Variants in KCNIP4 observed in about 807,000 individuals in gnomAD.
KCNIP4 encodes the protein Kv channel-interacting protein 4.
A neutral mutation model predicts 34.0 loss-of-function variants in KCNIP4; 12 were observed. The observed-to-expected ratio is 0.35, with a 90% confidence interval of 0.23 to 0.57. The LOEUF is 0.57. Ranked by LOEUF, KCNIP4 falls within the 20% of genes least tolerant of loss-of-function variation. The probability of loss-of-function intolerance (pLI) is 0.83; values close to 1 mark genes in which losing one functional copy is unlikely to be tolerated. For synonymous variants in KCNIP4, 124 were observed against 102.2 expected (o/e 1.21, Z -1.29); for missense variants, 238 against 311.7 (o/e 0.76, Z 1.78).
intron 1 of KCNIP4, among the ~76,000 whole-genome samples, chr4:21,202,088 C>T (rs1249888332): frequency 3.3e-5 from 5 of 152,178 alleles, no homozygotes; most frequent in African/African-American, 1.2e-4. Context: ...AGTTGAATTA[C>T]CATTTGACCC....
chr4:21,869,941 C>T (rs1027018445), intron 1 of KCNIP4, among the ~76,000 whole-genome samples: 4 of 152,156 alleles, frequency 2.6e-5, no homozygotes, highest in Admixed American at 6.5e-5. Flanking sequence ...AAATTTAACA[C>T]ATGAAATACC....
At chr4:21,080,244 C>T (rs1283003110) in intron 1 of KCNIP4, among the ~76,000 whole-genome samples, 2 of 151,808 alleles carry the variant, frequency 1.3e-5, no homozygotes, top group Non-Finnish European at 2.9e-5. Context: ...ACTATTTCCT[C>T]ACCTATAATA....
intron 1 of KCNIP4, among the ~76,000 whole-genome samples, chr4:21,115,171 C>T (rs1749580278): frequency 6.6e-6 from 1 of 152,158 alleles, no homozygotes; most frequent in Non-Finnish European, 1.5e-5. Context: ...CATAATCCCA[C>T]TGTTACCCCA....
At chr4:21,773,429 G>C (rs1476493375) in intron 1 of KCNIP4, among the ~76,000 whole-genome samples, 1 of 152,144 alleles carries the variant, frequency 6.6e-6, no homozygotes, top group Non-Finnish European at 1.5e-5. Context: ...CTGTATACTA[G>C]GTCCACTTGA....
chr4:21,922,737 G>C (rs1158641424), intron 1 of KCNIP4, among the ~76,000 whole-genome samples: 2 of 152,080 alleles, frequency 1.3e-5, no homozygotes, highest in Non-Finnish European at 2.9e-5. Flanking sequence ...GAAGTGGAGT[G>C]AAACAAAAAT....
At chr4:21,036,544 G>A (rs1362076613) in intron 1 of KCNIP4, among the ~76,000 whole-genome samples, 1 of 152,172 alleles carries the variant, frequency 6.6e-6, no homozygotes, top group Non-Finnish European at 1.5e-5. Flanking sequence ...TTTTGGCACT[G>A]GAAGCAAATG....
intron 1 of KCNIP4, among the ~76,000 whole-genome samples, chr4:21,247,687 T>TTATATCTATATATAGATATATA (rs1760336306): frequency 8.0e-6 from 1 of 124,452 alleles, no homozygotes; most frequent in African/African-American, 3.2e-5. Context: ...ATAGATATAT[T>TTATATCTATATATAGATATATA]TATATCTATA....
At chr4:21,467,562 G>A (rs1730096852) in intron 1 of KCNIP4, among the ~76,000 whole-genome samples, 1 of 152,098 alleles carries the variant, frequency 6.6e-6, no homozygotes, top group Admixed American at 6.6e-5. Context: ...ATAAAAGGAA[G>A]GAAGCAACAA....
intron 1 of KCNIP4, among the ~76,000 whole-genome samples, chr4:21,728,255 G>C (rs571518653): frequency 7.2e-5 from 11 of 152,246 alleles, no homozygotes; most frequent in African/African-American, 2.4e-4. Flanking sequence ...CCTCAACTCT[G>C]TTCCATAAAG....
chr4:21,217,075 C>T (rs1289064446), intron 1 of KCNIP4, among the ~76,000 whole-genome samples: 4 of 152,104 alleles, frequency 2.6e-5, no homozygotes, highest in South Asian at 2.1e-4. Flanking sequence ...CTTTTCATTA[C>T]GAGCTACGAA....
At chr4:20,757,933 C>T (rs1283945011) in intron 4 of KCNIP4, among the ~76,000 whole-genome samples, 1 of 152,132 alleles carries the variant, frequency 6.6e-6, no homozygotes, top group Non-Finnish European at 1.5e-5. Flanking sequence ...TTAATCATGC[C>T]AGCACTGTGC....
intron 3 of KCNIP4, among the ~76,000 whole-genome samples, chr4:20,837,845 C>CA (rs1164581682): frequency 7.6e-6 from 1 of 131,568 alleles, no homozygotes; most frequent in Admixed American, 7.3e-5. Flanking sequence ...CTATGCCCAG[C>CA]AAATTTTTTT....
At chr4:21,664,170 A>G (rs919805126) in intron 1 of KCNIP4, among the ~76,000 whole-genome samples, 1 of 151,916 alleles carries the variant, frequency 6.6e-6, no homozygotes, top group African/African-American at 2.4e-5. Flanking sequence ...GCTGGTCTTG[A>G]ACTCCTTGCC....
intron 1 of KCNIP4, among the ~76,000 whole-genome samples, chr4:21,073,848 G>A (rs933336053): frequency 6.6e-6 from 1 of 152,162 alleles, no homozygotes; most frequent in East Asian, 1.9e-4. Flanking sequence ...TAGCATGAAG[G>A]GCTGTTGAAT....
At chr4:21,499,191 C>T (rs141243356) in intron 1 of KCNIP4, among the ~76,000 whole-genome samples, 2,980 of 151,936 alleles carry the variant, frequency 0.02, 99 homozygotes, top group East Asian at 0.12. Context: ...ATTAGTCAGG[C>T]GTGGTGGCAT....
At chr4:21,551,673 AT>A (rs144124580) in intron 1 of KCNIP4, among the ~76,000 whole-genome samples, 19,017 of 152,006 alleles carry the variant, frequency 0.13, 1,322 homozygotes, top group African/African-American at 0.17. Flanking sequence ...GCACATTATA[AT>A]TTTTCATGAG....
At chr4:20,944,344 G>A (rs551619098) in intron 1 of KCNIP4, among the ~76,000 whole-genome samples, 1 of 152,298 alleles carries the variant, frequency 6.6e-6, no homozygotes, top group Admixed American at 6.5e-5. Context: ...GAAAGGGACT[G>A]GAGTTGCATT....
intron 1 of KCNIP4, among the ~76,000 whole-genome samples, chr4:21,754,103 T>C (rs922649150): frequency 6.6e-6 from 1 of 152,226 alleles, no homozygotes; most frequent in Non-Finnish European, 1.5e-5. Context: ...CTCGCATCTC[T>C]CCACAGCAGC....
intron 1 of KCNIP4, among the ~76,000 whole-genome samples, chr4:21,830,187 G>A (rs1211502611): frequency 6.6e-6 from 1 of 152,042 alleles, no homozygotes. Flanking sequence ...ACAGCATAGG[G>A]AGCTAAATCT....
Sources: allele counts gnomAD v4.1 joint callset (sites outside exome capture counted in the v4.1 genomes callset), GRCh38; gene constraint gnomAD v4.1.1; transcripts MANE v1.5; gene names NCBI Gene and HGNC (gene_info 2026-07-23, HGNC 2026-07-21).